Variants in PNPLA7 observed in about 807,000 individuals in gnomAD.
PNPLA7 encodes patatin like domain 7, lysophospholipase.
A neutral mutation model predicts 161.7 loss-of-function variants in PNPLA7; 153 were observed. The ratio of observed to expected loss-of-function variants is 0.95; its 90% CI spans 0.83 to 1.08. The LOEUF is 1.08. Among genes scored for constraint, PNPLA7 ranks in the 50% least tolerant of loss-of-function variants. The pLI is 0.00. For missense variants in PNPLA7, 1,739 were observed against 1,856.6 expected (o/e 0.94, Z 1.16); for synonymous variants, 809 against 782.1 (o/e 1.03, Z -0.57).
chr9:137,500,963 CCA>C lies in PNPLA7; in HGVS notation c.1552-69_1552-68del. Reference sequence around the variant, plus strand: ...GGGCAGGACGGGGGCAGCTCTGGGCCCAGAGCGGACGATGCCACCAGGCTCAG... The same window carrying C: ...GGGCAGGACGGGGGCAGCTCTGGGCCGAGCGGACGATGCCACCAGGCTCAG... On this transcript the variant is annotated intron_variant, in intron 15 of 34. Coordinates refer to ENST00000406427, the MANE Select transcript of PNPLA7 (RefSeq NM_001098537.3). This position sits in a 1 kb window ranked among gnomAD's most constrained non-coding sequence, Gnocchi z 5.5. 1 of 1,432,344 alleles carries C rather than the reference CCA, an allele frequency of 7.0e-7. No homozygotes were observed. Among genetic ancestry groups the C allele is most frequent in the East Asian group, 2.5e-5 (1 of 40,198 alleles). The allele number at this position is 1,432,344 out of a possible 1,614,324, so 88.7% of individuals were successfully genotyped here.
In PNPLA7 at chr9:137,500,842, T is replaced by A. The variant is rs1285129754; in HGVS notation, c.1606A>T (p.Ile536Phe). The stretch of plus-strand genomic sequence containing the variant: ...AAGCAGGTGTCCTCCTGGCTGCCGA[T>A]CTTCCGCTGGTACACGTGCAGCAGC... ...SGLLHVYQRK[I>F]GSQEDTCLFL... The change falls in exon 16 of 35, where the codon ATC becomes TTC. Residue 536 changes from isoleucine (I) to phenylalanine (F), a missense_variant. Physicochemically the swap from Ile to Phe is conservative, Grantham distance 21. Coordinates refer to ENST00000406427, the MANE Select transcript of PNPLA7 (RefSeq NM_001098537.3). The surrounding 1 kb of genome is among the most constrained non-coding windows in gnomAD (Gnocchi z 5.5). 1.3e-6 allele frequency: 2 copies of A among 1,598,626 alleles called. No individual in the cohort carries two copies. Among genetic ancestry groups the A allele is most frequent in the Admixed American group, 3.5e-5 (2 of 57,000 alleles).
intron 19 of PNPLA7, among the ~76,000 whole-genome samples, chr9:137,494,091 G>A (rs897729547): frequency 2.6e-5 from 4 of 152,160 alleles, no homozygotes; most frequent in African/African-American, 9.7e-5. Context: ...CCTGCAACAT[G>A]CTGTGGGCCA....
rs913767733 is a variant in PNPLA7, at chr9:137,479,150, G to T, written c.2669C>A (p.Thr890Asn). The T allele has an allele frequency of 2.5e-6, 4 of 1,583,106 alleles. No individual in the cohort carries two copies. The African/African-American group carries it at 4.0e-5, about 16-fold the overall frequency. ...HREEGPAPARTVEWLNMRSWC... is the reference protein window; with the variant it reads ...HREEGPAPARNVEWLNMRSWC... ...GCTCCGCATGTTGAGCCACTCCACG[G>T]TGCGCGCTGGCGCCGGGCCCTCCTC... The change falls in exon 24 of 35, where the codon ACC becomes AAC. Residue 890 changes from threonine (T) to asparagine (N), a missense_variant. Coordinates refer to ENST00000406427, the MANE Select transcript of PNPLA7 (RefSeq NM_001098537.3).
At chr9:137,511,538 C>A (rs1030270408) in intron 12 of PNPLA7, among the ~76,000 whole-genome samples, 1 of 150,842 alleles carries the variant, frequency 6.6e-6, no homozygotes, top group African/African-American at 2.4e-5. Flanking sequence ...CTTGGCCTGG[C>A]GGTAGCGCCA....
At chr9:137,477,111 G>C (rs534075643) in intron 25 of PNPLA7, among the ~76,000 whole-genome samples, 1 of 152,322 alleles carries the variant, frequency 6.6e-6, no homozygotes, top group African/African-American at 2.4e-5. Flanking sequence ...GGCACCCCTC[G>C]ATGTCCTCCC....
rs138523357 is a variant in PNPLA7, at chr9:137,507,141, G to C, written c.1226-1058C>G. On this transcript the variant is annotated intron_variant, in intron 12 of 34. Transcript: ENST00000406427. Reference sequence around the variant, plus strand: ...TGAGGGTGCGCTGGTCGGGTTTCACGGAGCTGGCACCCTTCAGCCCGGTGC... The same window carrying C: ...TGAGGGTGCGCTGGTCGGGTTTCACCGAGCTGGCACCCTTCAGCCCGGTGC... 7.9e-4 allele frequency among the ~76,000 whole-genome samples: 120 copies of C among 152,366 alleles called. No homozygotes were observed. In the Middle Eastern group the frequency reaches 0.031, roughly 39 times the overall value.
rs570189574 is a variant in PNPLA7 at position 137,486,363 on chromosome 9, C to T, written c.2198-1627G>A. Among the ~76,000 whole-genome samples the T allele has an allele frequency of 1.2e-4, 18 of 152,244 alleles. No homozygotes were observed. Among genetic ancestry groups the T allele is most frequent in the Admixed American group, 4.6e-4 (7 of 15,292 alleles). On this transcript the variant is annotated intron_variant, in intron 20 of 34. Coordinates refer to ENST00000406427, the MANE Select transcript of PNPLA7 (RefSeq NM_001098537.3). The surrounding 1 kb of genome is among the most constrained non-coding windows in gnomAD (Gnocchi z 6.0). Reference sequence around the variant, plus strand: ...GAGCCTGTGAACGGGGAACATGGCTCGGAGAACCAGCGCACAGCCGGCAAT... The same window carrying T: ...GAGCCTGTGAACGGGGAACATGGCTTGGAGAACCAGCGCACAGCCGGCAAT...
At chr9:137,462,140 C>T in intron 31 of PNPLA7, 39 bp downstream of exon 31, 22 of 1,532,020 alleles carry the variant, frequency 1.4e-5, no homozygotes, top group Non-Finnish European at 1.9e-5. Context: ...ACCAGAGTGC[C>T]TCCGCCCGCC....
chr9:137,464,093 C>G, intron 28 of PNPLA7, 33 bp downstream of exon 28: 1 of 1,607,316 alleles, frequency 6.2e-7, no homozygotes, highest in South Asian at 1.1e-5. Context: ...ACCTCGCACC[C>G]AAGCGGCCGC....
intron 30 of PNPLA7, 170 bp downstream of exon 30, chr9:137,462,515 C>T: frequency 7.2e-7 from 1 of 1,385,018 alleles, no homozygotes; most frequent in Non-Finnish European, 9.6e-7. Context: ...GCCCGTCCGG[C>T]CTCGTGCCTT....
At chr9:137,532,480 T>C (rs1835630625) in intron 8 of PNPLA7, among the ~76,000 whole-genome samples, 1 of 152,156 alleles carries the variant, frequency 6.6e-6, no homozygotes, top group African/African-American at 2.4e-5. Flanking sequence ...CTTTGTCCCC[T>C]TGTGGAATAT....
intron 11 of PNPLA7, among the ~76,000 whole-genome samples, chr9:137,519,302 C>T (rs537241481): frequency 3.9e-5 from 6 of 152,378 alleles, no homozygotes; most frequent in Admixed American, 1.3e-4. Context: ...CGCACCCGAC[C>T]GCTTCCTCCT....
rs749089830 is a variant in PNPLA7 at position 137,479,233 on chromosome 9, C to T, written c.2586G>A (p.Glu862=). 2 of 1,534,032 alleles carry T rather than the reference C, an allele frequency of 1.3e-6. No individual in the cohort carries two copies. Among genetic ancestry groups the T allele is most frequent in the Admixed American group, 4.0e-5 (2 of 50,548 alleles). The change falls in exon 24 of 35, where the codon GAG becomes GAA. Residue 862 remains glutamate, a synonymous_variant. Transcript: ENST00000406427. ...GDQEPTVGEL[E]RMLESTAVRA... is the part of the protein sequence containing the mutation. ...GCACAGCTGTGCTCTCCAGCATCCG[C>T]TCCAGCTGAAAGGCAGAGCCCACGT...
chr9:137,471,381 A>G (rs1036575320), intron 25 of PNPLA7, among the ~76,000 whole-genome samples: 1 of 152,124 alleles, frequency 6.6e-6, no homozygotes, highest in Non-Finnish European at 1.5e-5. Flanking sequence ...CGGGCGGATC[A>G]TGAGATCAGG....
chr9:137,503,104 G>A (rs1833588196), intron 14 of PNPLA7, among the ~76,000 whole-genome samples: 1 of 152,040 alleles, frequency 6.6e-6, no homozygotes, highest in Non-Finnish European at 1.5e-5. Context: ...AAGACTGGCT[G>A]GGTACAGTGG....
chr9:137,493,248 G>A (rs1832868566), intron 19 of PNPLA7, among the ~76,000 whole-genome samples, 166 bp from the exon 20 acceptor site: 1 of 152,244 alleles, frequency 6.6e-6, no homozygotes, highest in Non-Finnish European at 1.5e-5. Context: ...CACGTGCTGG[G>A]CCATGGCTGT....
Position 137,523,719 on chromosome 9 carries a change from C to T in PNPLA7, c.748-862G>A, listed in dbSNP as rs193042426. Among the ~76,000 whole-genome samples the T allele has an allele frequency of 1.0e-3, 159 of 152,088 alleles. No individual in the cohort carries two copies. Among genetic ancestry groups the T allele is most frequent in the Middle Eastern group, 3.4e-3 (1 of 294 alleles). ...TTGGCTCACTGCAAGCTCCGCCTCC[C>T]GGGTTCACACCATTCTCCTGCCTCA... On this transcript the variant is annotated intron_variant, in intron 8 of 34. Transcript: ENST00000406427. The surrounding 1 kb of genome is among the most constrained non-coding windows in gnomAD (Gnocchi z 4.4).
chr9:137,513,447 G>C (rs534675372), intron 12 of PNPLA7, among the ~76,000 whole-genome samples: 1 of 150,708 alleles, frequency 6.6e-6, no homozygotes, highest in African/African-American at 2.4e-5. Context: ...TTGCACTCCA[G>C]CCTGGGCAAC....
intron 33 of PNPLA7, chr9:137,461,163 G>C: frequency 2.9e-6 from 1 of 342,332 alleles, no homozygotes; most frequent in Admixed American, 4.2e-5. Context: ...CAGGGCCCTG[G>C]ATGGAGCATG....
Sources: allele counts gnomAD v4.1 joint callset (sites outside exome capture counted in the v4.1 genomes callset), GRCh38; gene constraint gnomAD v4.1.1; non-coding constraint Gnocchi (gnomAD v3.1); transcripts MANE v1.5; gene names NCBI Gene and HGNC (gene_info 2026-07-23, HGNC 2026-07-21).